The following MARCHF6 variants were observed in gnomAD, a reference collection of about 807,000 sequenced individuals.
MARCHF6 encodes membrane associated ring-CH-type finger 6, also known as E3 ubiquitin-protein ligase MARCHF6.
MARCHF6 carries 31 observed loss-of-function variants against 133.7 expected under a neutral mutation model. That is an observed-to-expected ratio of 0.23 (90% CI 0.17 to 0.31). The LOEUF (loss-of-function observed/expected upper bound fraction) is 0.31. MARCHF6 is among the 10% of genes least tolerant of loss of function. The probability of loss-of-function intolerance (pLI) is 1.00; values close to 1 mark genes in which losing one functional copy is unlikely to be tolerated. For synonymous variants in MARCHF6, 395 were observed against 402.5 expected, an observed-to-expected ratio of 0.98 and a Z score of 0.22; for missense variants, 723 against 1,121.6, an observed-to-expected ratio of 0.64 and a Z score of 5.08.
chr5:10,383,955 A>G (rs182176130), intron 4 of MARCHF6, among the ~76,000 whole-genome samples: 141 of 152,346 alleles, frequency 9.3e-4, no homozygotes, highest in African/African-American at 3.3e-3. Flanking sequence ...ATAACTGTGC[A>G]TTAAAAATGT....
At chr5:10,371,486 G>C (rs989977617) in intron 1 of MARCHF6, among the ~76,000 whole-genome samples, 9 of 152,184 alleles carry the variant, frequency 5.9e-5, no homozygotes, top group Non-Finnish European at 1.3e-4. Flanking sequence ...CAAGTCACAG[G>C]GATGGCAGCA....
intron 1 of MARCHF6, among the ~76,000 whole-genome samples, chr5:10,358,218 G>C (rs1735597778): frequency 6.6e-6 from 1 of 152,144 alleles, no homozygotes; most frequent in Non-Finnish European, 1.5e-5. Flanking sequence ...ATCACCAGGA[G>C]AGCAGTGTAG....
chr5:10,383,008 A>G (rs1737248130), intron 4 of MARCHF6, among the ~76,000 whole-genome samples: 1 of 152,088 alleles, frequency 6.6e-6, no homozygotes, highest in Non-Finnish European at 1.5e-5. Flanking sequence ...AGAAGTACAT[A>G]GTATATGGGA....
chr5:10,412,676 G>A (rs1053549060), intron 19 of MARCHF6, among the ~76,000 whole-genome samples: 37 of 152,114 alleles, frequency 2.4e-4, no homozygotes, highest in Admixed American at 2.2e-3. Flanking sequence ...GGGTTCAAGC[G>A]ATCCTCCTAC....
chr5:10,423,949 A>G (rs1739952113), intron 23 of MARCHF6, 125 bp downstream of exon 23: 2 of 524,970 alleles, frequency 3.8e-6, no homozygotes, highest in Non-Finnish European at 6.3e-6. Context: ...TGATGGGCAT[A>G]TATAACCTTT....
intron 1 of MARCHF6, among the ~76,000 whole-genome samples, chr5:10,367,106 A>C (rs1034576803): frequency 9.9e-5 from 15 of 152,190 alleles, no homozygotes. Context: ...GACATTCTAC[A>C]GTGTACCTGA....
At chr5:10,360,705 G>A (rs1205538358) in intron 1 of MARCHF6, among the ~76,000 whole-genome samples, 1 of 152,084 alleles carries the variant, frequency 6.6e-6, no homozygotes, top group East Asian at 1.9e-4. Context: ...GCTCATCTTG[G>A]GTCAGTTGCT....
At chr5:10,387,559 T>C (rs1737561436) in intron 5 of MARCHF6, among the ~76,000 whole-genome samples, 1 of 152,210 alleles carries the variant, frequency 6.6e-6, no homozygotes, top group African/African-American at 2.4e-5. Context: ...CGCTTCGGGC[T>C]CCCAAAGTGC....
chr5:10,357,106 G>A (rs908762427), intron 1 of MARCHF6, among the ~76,000 whole-genome samples: 4 of 152,150 alleles, frequency 2.6e-5, no homozygotes, highest in African/African-American at 9.6e-5. Flanking sequence ...AGCTATAGGA[G>A]ACCTTAGACA....
chr5:10,385,806 G>C (rs1330320049), intron 4 of MARCHF6, among the ~76,000 whole-genome samples: 1 of 152,168 alleles, frequency 6.6e-6, no homozygotes, highest in Non-Finnish European at 1.5e-5. Context: ...CATAGTGAAA[G>C]ACTTAACATG....
intron 4 of MARCHF6, among the ~76,000 whole-genome samples, chr5:10,385,982 C>T (rs568411912): frequency 2.0e-4 from 30 of 151,662 alleles, no homozygotes; most frequent in Non-Finnish European, 3.8e-4. Flanking sequence ...AGCTTAGCAT[C>T]GTATCCTGGT....
intron 25 of MARCHF6, among the ~76,000 whole-genome samples, chr5:10,432,788 TACTC>T (rs1260930745): frequency 2.0e-5 from 3 of 152,328 alleles, no homozygotes; most frequent in Admixed American, 6.5e-5. Context: ...CTGTCACTCA[TACTC>T]ACTCACTGCA....
chr5:10,407,234 A>G (rs1308049753), intron 17 of MARCHF6, 32 bp downstream of exon 17: 17 of 1,177,236 alleles, frequency 1.4e-5, no homozygotes, highest in Non-Finnish European at 2.0e-5. Flanking sequence ...TAGCTTTACT[A>G]ATTTATCTCT....
chr5:10,414,325 C>T (rs765657288), intron 19 of MARCHF6, 108 bp from the exon 20 acceptor site: 68 of 659,846 alleles, frequency 1.0e-4, no homozygotes, highest in Non-Finnish European at 1.6e-4. Flanking sequence ...AACCTGGCAA[C>T]GCAAATATAG....
intron 22 of MARCHF6, among the ~76,000 whole-genome samples, chr5:10,418,381 C>CA (rs36005391): frequency 0.3 from 27,341 of 91,952 alleles, 2,809 homozygotes; most frequent in Non-Finnish European, 0.34. Context: ...ACCCTGTCTC[C>CA]AAAAAAAAAA....
intron 15 of MARCHF6, 41 bp from the exon 16 acceptor site, chr5:10,405,517 G>A (rs760991639): frequency 1.5e-5 from 23 of 1,531,394 alleles, no homozygotes; most frequent in Non-Finnish European, 2.0e-5. Context: ...AGAATTTGAA[G>A]ACATTGGTGA....
At chr5:10,422,966 A>G (rs960112939) in intron 22 of MARCHF6, among the ~76,000 whole-genome samples, 1 of 151,262 alleles carries the variant, frequency 6.6e-6, no homozygotes, top group African/African-American at 2.4e-5. Context: ...TTTTGGTTTT[A>G]TGTAAGAATC....
At chr5:10,406,252 A>T (rs1344528170) in intron 16 of MARCHF6, among the ~76,000 whole-genome samples, 1 of 152,326 alleles carries the variant, frequency 6.6e-6, no homozygotes, top group East Asian at 1.9e-4. Context: ...TGATTGCTAA[A>T]TTACGGTTGT....
intron 5 of MARCHF6, among the ~76,000 whole-genome samples, chr5:10,389,441 A>AC (rs1195779143): frequency 6.6e-6 from 1 of 151,934 alleles, no homozygotes. Flanking sequence ...CTCACTCTGT[A>AC]CCCATGCTGG....
Sources: gnomAD v4.1 joint callset for allele counts (sites outside exome capture counted in the v4.1 genomes callset) on GRCh38, gnomAD v4.1.1 for gene constraint, MANE v1.5 for transcripts, NCBI Gene and HGNC (gene_info 2026-07-23, HGNC 2026-07-21) for gene names.